The following AJAP1 variants were observed in gnomAD, a reference collection of about 807,000 sequenced individuals.
The protein encoded by AJAP1 is adherens junction-associated protein 1.
Under a neutral mutation model 35.0 loss-of-function variants are expected in AJAP1, and 5 were observed. That is an observed-to-expected ratio of 0.14 (90% CI 0.07 to 0.30). The LOEUF (loss-of-function observed/expected upper bound fraction) is 0.30, where lower values mean the gene tolerates loss of function less well. AJAP1 is among the 10% of genes least tolerant of loss of function. The probability of loss-of-function intolerance (pLI) is 1.00; values close to 1 mark genes in which losing one functional copy is unlikely to be tolerated. For synonymous variants in AJAP1, 284 were observed against 249.3 expected (o/e 1.14, Z -1.31); for missense variants, 586 against 571.0 (o/e 1.03, Z -0.27).
At chr1:4,722,361 CT>C (rs747431546) in intron 2 of AJAP1, among the ~76,000 whole-genome samples, 8 of 152,192 alleles carry the variant, frequency 5.3e-5, no homozygotes, top group Non-Finnish European at 1.2e-4. Flanking sequence ...ACGGCAGGAC[CT>C]GTGGCGTCCA....
intron 1 of AJAP1, among the ~76,000 whole-genome samples, chr1:4,682,048 G>A (rs1047164322): frequency 2.0e-5 from 3 of 152,214 alleles, no homozygotes; most frequent in Non-Finnish European, 4.4e-5. Context: ...GGAAGTGCCA[G>A]GGCTGGGATC....
intron 1 of AJAP1, among the ~76,000 whole-genome samples, chr1:4,691,944 G>C (rs1349272822): frequency 6.6e-6 from 1 of 152,088 alleles, no homozygotes; most frequent in Non-Finnish European, 1.5e-5. Context: ...AGGGACAAGG[G>C]TCTCCAGGGC....
At chr1:4,749,066 C>T (rs929194741) in intron 2 of AJAP1, among the ~76,000 whole-genome samples, 1 of 152,274 alleles carries the variant, frequency 6.6e-6, no homozygotes, top group Admixed American at 6.5e-5. Context: ...GCAACACTGT[C>T]CCCAGCATGC....
chr1:4,771,346 G>A (rs1041773788), intron 3 of AJAP1, among the ~76,000 whole-genome samples: 2 of 152,150 alleles, frequency 1.3e-5, no homozygotes, highest in Non-Finnish European at 2.9e-5. Context: ...GAAAACCAAC[G>A]CAGGAAATAG....
intron 1 of AJAP1, among the ~76,000 whole-genome samples, chr1:4,675,826 C>A (rs553291966): frequency 1.2e-4 from 19 of 152,220 alleles, no homozygotes; most frequent in Non-Finnish European, 2.2e-4. Flanking sequence ...GCCAGTTAAA[C>A]CTGCCCTGAA....
rs1415989716 is a variant in AJAP1, at chr1:4,791,519, A to G, written c.*9034A>G. The G allele has an allele frequency of 6.6e-6, 1 of 152,212 alleles. No homozygotes were observed. The highest frequency in any genetic ancestry group is 1.5e-5 in the Non-Finnish European group (1 of 68,048). 9.4% of individuals were successfully genotyped at this position (152,212 alleles called of 1,614,324 possible). ...CCAGGGACAAGTCTGGCTCTAATGT[A>G]TGTTTTATGAAGTCTGATTAGCTTT... On this transcript the variant is annotated 3_prime_UTR_variant, in exon 6 of 6. Transcript: ENST00000378191.
Position 4,780,700 on chromosome 1 carries a change from C to T in AJAP1, c.*60-1845C>T, listed in dbSNP as rs539271940. Among the ~76,000 whole-genome samples the T allele has an allele frequency of 8.8e-5, 13 of 147,034 alleles. No homozygotes were observed. The East Asian group carries it at 2.6e-3, about 30-fold the overall frequency. ...AGGCTGGAGTGTAGTGGTGCCATCTCGGCTCACTGCAACCTCTGCCTCCCG... is the reference window on the plus strand; with the variant it reads ...AGGCTGGAGTGTAGTGGTGCCATCTTGGCTCACTGCAACCTCTGCCTCCCG... On this transcript the variant is annotated intron_variant, in intron 5 of 5. Coordinates refer to ENST00000378191, the MANE Select transcript of AJAP1 (RefSeq NM_018836.4).
At chr1:4,702,407 C>T (rs984700286) in intron 1 of AJAP1, among the ~76,000 whole-genome samples, 11 of 152,188 alleles carry the variant, frequency 7.2e-5, no homozygotes, top group African/African-American at 2.7e-4. Flanking sequence ...TGCAAAGTAC[C>T]GATCCACCGG....
rs151154079 is a variant in AJAP1, at chr1:4,772,460, C to T, written c.1098C>T (p.Pro366=). ...ACGAGTGCGTCAGGGCATCTGTGCC[C>T]GTGTACACCGATGAGACGCTGCACT... The part of the protein sequence containing the change: ...CSHECVRASV[P]VYTDETLHST... Residue 366 remains proline (P), a synonymous_variant, in exon 4 of 6, where the codon CCC becomes CCT. Transcript: ENST00000378191. 152 of 1,614,102 alleles carry T rather than the reference C, an allele frequency of 9.4e-5. No individual in the cohort carries two copies. The highest frequency in any genetic ancestry group is 1.8e-4 in the Admixed American group (11 of 60,010).
chr1:4,765,987 A>G (rs779797977), intron 2 of AJAP1, among the ~76,000 whole-genome samples: 2 of 152,224 alleles, frequency 1.3e-5, no homozygotes, highest in African/African-American at 2.4e-5. Flanking sequence ...GCAAGGTTCT[A>G]ATCCTTCAAA....
chr1:4,668,791 G>A (rs1392894925), intron 1 of AJAP1, among the ~76,000 whole-genome samples: 1 of 152,226 alleles, frequency 6.6e-6, no homozygotes, highest in Non-Finnish European at 1.5e-5. Flanking sequence ...ACGGGGTGGA[G>A]CCTTCACTGT....
chr1:4,765,591 G>C (rs937605434), intron 2 of AJAP1, among the ~76,000 whole-genome samples: 1 of 152,074 alleles, frequency 6.6e-6, no homozygotes, highest in East Asian at 1.9e-4. Context: ...AGACCAATAA[G>C]ATATGGTCTC....
At chr1:4,744,470 G>C (rs1425582365) in intron 2 of AJAP1, among the ~76,000 whole-genome samples, 1 of 152,178 alleles carries the variant, frequency 6.6e-6, no homozygotes, top group Non-Finnish European at 1.5e-5. Context: ...TGTGGGCCTG[G>C]CTGGGCCTAG....
At chr1:4,772,652 C>T (rs1377684993) in intron 4 of AJAP1, 127 bp downstream of exon 4, 2 of 1,371,354 alleles carry the variant, frequency 1.5e-6, no homozygotes, top group East Asian at 4.9e-5. Flanking sequence ...CTTTGAGGGG[C>T]CCAGCCAAGG....
At chr1:4,727,100 C>G (rs912312989) in intron 2 of AJAP1, among the ~76,000 whole-genome samples, 1 of 152,240 alleles carries the variant, frequency 6.6e-6, no homozygotes, top group African/African-American at 2.4e-5. Flanking sequence ...TCTGTTCCGC[C>G]GTGAGTCATC....
chr1:4,658,656 A>T (rs1317441197), intron 1 of AJAP1, among the ~76,000 whole-genome samples: 1 of 152,208 alleles, frequency 6.6e-6, no homozygotes. Flanking sequence ...ACATCGGTAC[A>T]TACCCCCCTT....
rs139054319 is a variant in AJAP1 at position 4,692,797 on chromosome 1, G to T, written c.30-19103G>T. Among the ~76,000 whole-genome samples the T allele has an allele frequency of 8.4e-4, 128 of 152,260 alleles. No homozygotes were observed. The highest frequency in any genetic ancestry group is 2.9e-3 in the African/African-American group (121 of 41,544). Reference sequence around the variant, plus strand: ...GAAATGCCTGTTCCCTCAGTGGACTGTGAACTCCCCATCTGGGTTCCTCTG... The same window carrying T: ...GAAATGCCTGTTCCCTCAGTGGACTTTGAACTCCCCATCTGGGTTCCTCTG... On this transcript the variant is annotated intron_variant, in intron 1 of 5. Transcript: ENST00000378191. The surrounding 1 kb of genome is among the most constrained non-coding windows in gnomAD (Gnocchi z 4.4).
chr1:4,775,846 G>A (rs1388162221), intron 5 of AJAP1, among the ~76,000 whole-genome samples: 1 of 152,216 alleles, frequency 6.6e-6, no homozygotes, highest in Admixed American at 6.5e-5. Flanking sequence ...TCCATCAGAA[G>A]CCAGTGCCTT....
chr1:4,711,794 A>G (rs1227571812), intron 1 of AJAP1, 106 bp from the exon 2 acceptor site: 2 of 869,824 alleles, frequency 2.3e-6, no homozygotes, highest in South Asian at 2.3e-5. Context: ...TTCCAGAAGA[A>G]GAGAGCGTCC....
Sources: gnomAD v4.1 joint callset for allele counts (sites outside exome capture counted in the v4.1 genomes callset) on GRCh38, gnomAD v4.1.1 for gene constraint, Gnocchi (gnomAD v3.1) non-coding constraint, MANE v1.5 for transcripts, NCBI Gene and HGNC (gene_info 2026-07-23, HGNC 2026-07-21) for gene names.